The following KCTD4 variants were observed in gnomAD, a reference collection of about 807,000 sequenced individuals.
The protein encoded by KCTD4 is BTB/POZ domain-containing protein KCTD4.
A neutral mutation model predicts 18.3 loss-of-function variants in KCTD4; 12 were observed. That is an observed-to-expected ratio of 0.66 (90% CI 0.42 to 1.06). The LOEUF (loss-of-function observed/expected upper bound fraction) is 1.06, where lower values mean the gene tolerates loss of function less well. Among genes scored for constraint, KCTD4 ranks in the 50% least tolerant of loss-of-function variants. The probability of loss-of-function intolerance (pLI) is 0.00; values close to 1 mark genes in which losing one functional copy is unlikely to be tolerated. For synonymous variants in KCTD4, 124 were observed against 110.5 expected, an observed-to-expected ratio of 1.12 and a Z score of -0.76; for missense variants, 250 against 303.4, an observed-to-expected ratio of 0.82 and a Z score of 1.31.
Position 45,193,898 on chromosome 13 carries a change from T to C in KCTD4, c.670A>G (p.Lys224Glu). ...NTFVCTLETL[K>E]FEAIMMALKC... is the part of the protein sequence containing the mutation. Reference sequence around the variant, plus strand: ...AAAGCCATCATGATAGCCTCAAACTTAAGAGTTTCCAAGGTACAGACAAAG... The same window carrying C: ...AAAGCCATCATGATAGCCTCAAACTCAAGAGTTTCCAAGGTACAGACAAAG... Residue 224 changes from lysine to glutamate, a missense_variant, in exon 2 of 2, where the codon AAG becomes GAG. Physicochemically the swap from Lys to Glu is moderately conservative, Grantham distance 56. Coordinates refer to ENST00000379108, the MANE Select transcript of KCTD4 (RefSeq NM_198404.3). The C allele has an allele frequency of 6.2e-7, 1 of 1,614,112 alleles. No homozygotes were observed.
rs1872758003 is a variant in KCTD4, at chr13:45,193,914, A to G, written c.654T>C (p.Cys218=). The part of the protein sequence containing the change: ...LVLKEDNTFV[C]TLETLKFEAI... ...CCTCAAACTTAAGAGTTTCCAAGGT[A>G]CAGACAAAGGTGTTGTCTTCCTTTA... Residue 218 remains cysteine, a synonymous_variant, in exon 2 of 2, where the codon TGT becomes TGC. Transcript: ENST00000379108. The G allele has an allele frequency of 1.2e-6, 2 of 1,614,062 alleles. No individual in the cohort carries two copies. Among genetic ancestry groups the G allele is most frequent in the Non-Finnish European group, 1.7e-6 (2 of 1,180,006 alleles).
chr13:45,193,448 A>G lies in KCTD4; in HGVS notation c.*340T>C, dbSNP rs1253646748. On this transcript the variant is annotated 3_prime_UTR_variant, in exon 2 of 2. Transcript: ENST00000379108. The stretch of plus-strand genomic sequence containing the variant: ...TACCATTTACTTAAATGAACGATAG[A>G]TAATGTACATGCTTTCTTTTTTGTG... 5.1e-6 allele frequency: 1 copy of G among 196,174 alleles called. No individual in the cohort carries two copies. The highest frequency in any genetic ancestry group is 1.0e-5 in the Non-Finnish European group (1 of 97,198). The allele number at this position is 196,174 out of a possible 1,614,324, so 12.2% of individuals were successfully genotyped here. A position where few individuals can be genotyped will look rare whatever the true frequency, so the allele number is the denominator to read the frequency against.
chr13:45,196,681 G>A (rs559535303), intron 1 of KCTD4, among the ~76,000 whole-genome samples: 15 of 152,324 alleles, frequency 9.8e-5, no homozygotes, highest in Admixed American at 6.5e-4. Context: ...GACTGTGCTA[G>A]CATGTTCTTG....
At chr13:45,200,432 G>A (rs1464981048) in intron 1 of KCTD4, among the ~76,000 whole-genome samples, 2 of 151,762 alleles carry the variant, frequency 1.3e-5, no homozygotes, top group Admixed American at 6.6e-5. Flanking sequence ...GGAAACTCCC[G>A]TATAGTTGGG....
Position 45,193,759 on chromosome 13 carries a change from CTTG to C in KCTD4, c.*26_*28del, listed in dbSNP as rs768681870. 3.1e-5 allele frequency: 48 copies of C among 1,544,040 alleles called. No individual in the cohort carries two copies. The highest frequency in any genetic ancestry group is 4.0e-5 in the Non-Finnish European group (46 of 1,149,610). On this transcript the variant is annotated 3_prime_UTR_variant, in exon 2 of 2. Coordinates refer to ENST00000379108, the MANE Select transcript of KCTD4 (RefSeq NM_198404.3). ...TTTTCCGAAGCTTGCTGGCTGCATG[CTTG>C]TTGCCTTTGTTCGTGACACAGGTAA... is the stretch of plus-strand genomic sequence containing the variant.
rs753619247 is a variant in KCTD4, at chr13:45,194,227, G to C, written c.341C>G (p.Ala114Gly). The change falls in exon 2 of 2, where the codon GCA becomes GGA. Residue 114 changes from alanine to glycine, a missense_variant. By Grantham distance (60) the Ala-to-Gly change is moderately conservative. Transcript: ENST00000379108. Reference protein sequence around the residue: ...FRENQLLAQEAEFFQLKGLAE... With the variant: ...FRENQLLAQEGEFFQLKGLAE... ...CAGTCCCTTGAGCTGAAAGAATTCT[G>C]CTTCTTGTGCAAGAAGTTGATTTTC... 2 of 1,613,996 alleles carry C rather than the reference G, an allele frequency of 1.2e-6. No homozygotes were observed. Among genetic ancestry groups the C allele is most frequent in the African/African-American group, 2.7e-5 (2 of 74,918 alleles).
intron 1 of KCTD4, among the ~76,000 whole-genome samples, chr13:45,197,763 C>T (rs1189502526): frequency 1.3e-5 from 2 of 152,150 alleles, no homozygotes; most frequent in East Asian, 1.9e-4. Context: ...AAGGTCTCCA[C>T]AGCCCTAAAA....
At chr13:45,199,118 G>C (rs1259427766) in intron 1 of KCTD4, among the ~76,000 whole-genome samples, 2 of 152,162 alleles carry the variant, frequency 1.3e-5, no homozygotes, top group African/African-American at 4.8e-5. Flanking sequence ...AACCTTCCTA[G>C]GACTAATAGG....
chr13:45,199,457 G>GTTTTTT (rs1873067381), intron 1 of KCTD4, among the ~76,000 whole-genome samples: 1 of 152,074 alleles, frequency 6.6e-6, no homozygotes, highest in African/African-American at 2.4e-5. Flanking sequence ...GAGTATTTCA[G>GTTTTTT]GGAAACCTGT....
At chr13:45,200,098 T>C (rs994919964) in intron 1 of KCTD4, among the ~76,000 whole-genome samples, 1 of 152,100 alleles carries the variant, frequency 6.6e-6, no homozygotes, top group Non-Finnish European at 1.5e-5. Context: ...TATTTTGTCT[T>C]GGTGGCACGT....
rs538007995 is a variant in KCTD4, at chr13:45,193,481, C to T, written c.*307G>A. On this transcript the variant is annotated 3_prime_UTR_variant, in exon 2 of 2. Transcript: ENST00000379108. ...CATGCTTTCTTTTTTGTGCAAATAC[C>T]CAAGACAATCTGAATTGAAAGACAG... 8 of 250,076 alleles carry T rather than the reference C, an allele frequency of 3.2e-5. No homozygotes were observed. Among genetic ancestry groups the T allele is most frequent in the Non-Finnish European group, 6.1e-5 (8 of 131,544 alleles). The allele number at this position is 250,076 out of a possible 1,614,324, so 15.5% of individuals were successfully genotyped here. A position where few individuals can be genotyped will look rare whatever the true frequency, so the allele number is the denominator to read the frequency against.
rs1293358414 is a variant in KCTD4 at position 45,194,701 on chromosome 13, T to C, written c.-134A>G. 3.8e-6 allele frequency: 3 copies of C among 789,830 alleles called. No individual in the cohort carries two copies. The highest frequency in any genetic ancestry group is 5.1e-5 in the East Asian group (2 of 39,214). 48.9% of individuals were successfully genotyped at this position (789,830 alleles called of 1,614,324 possible). On this transcript the variant is annotated 5_prime_UTR_variant, in exon 2 of 2. Coordinates refer to ENST00000379108, the MANE Select transcript of KCTD4 (RefSeq NM_198404.3). ...GAAACGCTGGCAGCATCGCCTGCGC[T>C]GTCAGCTCGGTTTTGCAGTAGGTGG... is the stretch of plus-strand genomic sequence containing the variant.
chr13:45,193,795 A>G lies in KCTD4; in HGVS notation c.773T>C (p.Ile258Thr). The G allele has an allele frequency of 6.3e-7, 1 of 1,579,278 alleles. No individual in the cohort carries two copies. Among genetic ancestry groups the G allele is most frequent in the Non-Finnish European group, 8.6e-7 (1 of 1,165,198 alleles). ...SIVHSDALHF[I>T]K The stretch of plus-strand genomic sequence containing the variant: ...TGTTCGTGACACAGGTAATTACTTG[A>G]TAAAATGAAGTGCATCGCTGTGAAC... Residue 258 changes from isoleucine (I) to threonine (T), a missense_variant, in exon 2 of 2, where the codon ATC becomes ACC. By Grantham distance (89) the Ile-to-Thr change is moderately conservative. Transcript: ENST00000379108.
chr13:45,194,454 GT>G lies in KCTD4; in HGVS notation c.113del (p.Asn38ThrfsTer14). On this transcript the variant is annotated frameshift_variant, in exon 2 of 2. Coordinates refer to ENST00000379108, the MANE Select transcript of KCTD4 (RefSeq NM_198404.3). LOFTEE classifies it high-confidence loss of function. ...KNCKSTLMTL[N>X]VGGYLYITQK... Reference sequence around the variant, plus strand: ...GAGTAATGTATAAATATCCACCAACGTTGAGGGTCATCAGTGTGGATTTGCA... The same window carrying G: ...GAGTAATGTATAAATATCCACCAACGTGAGGGTCATCAGTGTGGATTTGCA... The G allele has an allele frequency of 1.2e-6, 2 of 1,614,112 alleles. No individual in the cohort carries two copies. The highest frequency in any genetic ancestry group is 1.7e-6 in the Non-Finnish European group (2 of 1,179,964).
intron 1 of KCTD4, among the ~76,000 whole-genome samples, chr13:45,196,373 C>T (rs1872891149): frequency 2.0e-5 from 3 of 152,302 alleles, no homozygotes; most frequent in Non-Finnish European, 4.4e-5. Flanking sequence ...ATAAGACTTA[C>T]TCTTATATTC....
Position 45,200,850 on chromosome 13 carries a change from A to G in KCTD4, c.-214T>C, listed in dbSNP as rs1873147517. Among the ~76,000 whole-genome samples the G allele has an allele frequency of 6.6e-6, 1 of 152,236 alleles. No homozygotes were observed. Among genetic ancestry groups the G allele is most frequent in the Admixed American group, 6.5e-5 (1 of 15,280 alleles). On this transcript the variant is annotated 5_prime_UTR_variant, in exon 1 of 2. Coordinates refer to ENST00000379108, the MANE Select transcript of KCTD4 (RefSeq NM_198404.3). ...TGCTTCTTGAAAAGATTATTTCTTC[A>G]GTCTTTTCCCAGAGAGTGTCGACAC...
At position 45,194,418 on chromosome 13, in the gene KCTD4, T is replaced by C. The variant is rs1383671651; in HGVS notation, c.150A>G (p.Thr50=). 4.3e-6 allele frequency: 7 copies of C among 1,614,144 alleles called. 1 individual carries two copies. In the South Asian group the frequency reaches 7.7e-5, roughly 18 times the overall value. The change falls in exon 2 of 2, where the codon ACA becomes ACG. Residue 50 remains threonine, a synonymous_variant. Coordinates refer to ENST00000379108, the MANE Select transcript of KCTD4 (RefSeq NM_198404.3). ...GGYLYITQKQ[T]LTKYPDTFLE... ...GGAAAGTGTCTGGGTACTTGGTCAG[T>C]GTTTGTTTTTGAGTAATGTATAAAT...
In KCTD4 at chr13:45,194,283, A is replaced by G; in HGVS notation, c.285T>C (p.Asn95=). 3 of 1,614,164 alleles carry G rather than the reference A, an allele frequency of 1.9e-6. No homozygotes were observed. Among genetic ancestry groups the G allele is most frequent in the South Asian group, 1.1e-5 (1 of 91,086 alleles). The part of the protein sequence containing the change: ...LFRHVLNFLR[N]GELLLPEGFR... ...ACCCTTCGGGCAATAGAAGTTCTCCATTTCGTAGGAAGTTTAGGACATGCC... is the reference window on the plus strand; with the variant it reads ...ACCCTTCGGGCAATAGAAGTTCTCCGTTTCGTAGGAAGTTTAGGACATGCC... Residue 95 remains asparagine, a synonymous_variant, in exon 2 of 2, where the codon AAT becomes AAC. Coordinates refer to ENST00000379108, the MANE Select transcript of KCTD4 (RefSeq NM_198404.3).
rs1593483632 is a variant in KCTD4 at position 45,194,465 on chromosome 13, T to C, written c.103A>G (p.Met35Val). The change falls in exon 2 of 2, where the codon ATG (methionine) becomes GTG (valine). Residue 35 changes from methionine to valine, a missense_variant. Physicochemically the swap from Met to Val is conservative, Grantham distance 21. Coordinates refer to ENST00000379108, the MANE Select transcript of KCTD4 (RefSeq NM_198404.3). Reference sequence around the variant, plus strand: ...AAATATCCACCAACGTTGAGGGTCATCAGTGTGGATTTGCAGTTCTTTCCT... The same window carrying C: ...AAATATCCACCAACGTTGAGGGTCACCAGTGTGGATTTGCAGTTCTTTCCT... ...DQGKNCKSTLMTLNVGGYLYI... is the reference protein window; with the variant it reads ...DQGKNCKSTLVTLNVGGYLYI... 6.2e-7 allele frequency: 1 copy of C among 1,614,128 alleles called. No homozygotes were observed. Among genetic ancestry groups the C allele is most frequent in the Non-Finnish European group, 8.5e-7 (1 of 1,179,950 alleles).
Sources: allele counts gnomAD v4.1 joint callset (sites outside exome capture counted in the v4.1 genomes callset), GRCh38; gene constraint gnomAD v4.1.1; transcripts MANE v1.5; gene names NCBI Gene and HGNC (gene_info 2026-07-23, HGNC 2026-07-21).